The following MAMLD1 variants were observed in gnomAD, a reference collection of about 807,000 sequenced individuals.
MAMLD1 encodes the protein mastermind like domain containing 1.
MAMLD1 carries 14 observed loss-of-function variants against 45.0 expected under a neutral mutation model. That is an observed-to-expected ratio of 0.31 (90% CI 0.21 to 0.49). The LOEUF (loss-of-function observed/expected upper bound fraction) is 0.49, where lower values mean the gene tolerates loss of function less well. Among genes scored for constraint, MAMLD1 ranks in the 20% least tolerant of loss-of-function variants. The pLI is 0.99. For missense variants in MAMLD1, 543 were observed against 603.6 expected (o/e 0.90, Z 1.05); for synonymous variants, 254 against 247.8 (o/e 1.02, Z -0.24).
At chrX:150,367,751 T>G (rs1176875548) in intron 1 of MAMLD1, among the ~76,000 whole-genome samples, 5 of 100,554 alleles carry the variant, frequency 5.0e-5, no homozygotes, top group Non-Finnish European at 1.0e-4. Context: ...GATGTTCCCC[T>G]TCCTGTGTCC....
In MAMLD1 at chrX:150,503,321, G is replaced by C; in HGVS notation, c.2088G>C (p.Gln696His). The C allele has an allele frequency of 1.6e-6, 2 of 1,212,229 alleles. No individual in the cohort carries two copies. The highest frequency in any genetic ancestry group is 2.2e-6 in the Non-Finnish European group (2 of 895,489). Residue 696 changes from glutamine to histidine, a missense_variant, in exon 6 of 8, where the codon CAG becomes CAC. Coordinates refer to ENST00000370401, the MANE Select transcript of MAMLD1 (RefSeq NM_005491.5). The stretch of plus-strand genomic sequence containing the variant: ...AGCTTGGGGAAGCCAGGCACCCCCA[G>C]GTCAGCCTCGGGCGACAGCCCCCGT... ...ACKLGEARHP[Q>H]VSLGRQPPSC...
At chrX:150,443,656 T>C (rs1194477502) in intron 1 of MAMLD1, among the ~76,000 whole-genome samples, 1 of 103,971 alleles carries the variant, frequency 9.6e-6, no homozygotes, top group East Asian at 3.1e-4. Context: ...CCTCTTGATT[T>C]GATTCACTGA....
At position 150,414,311 on chromosome X, in the gene MAMLD1, C is replaced by A. The variant is rs1453965164; in HGVS notation, c.-63-31143C>A. On this transcript the variant is annotated intron_variant, in intron 1 of 7. Coordinates refer to ENST00000370401, the MANE Select transcript of MAMLD1 (RefSeq NM_005491.5). ...TTTTTTGTTGGAAGAGCTCACCAGG[C>A]AGGTGGATCACAGAAAAGCAGGCAA... is the stretch of plus-strand genomic sequence containing the variant. Among the ~76,000 whole-genome samples, 17 of 111,814 alleles carry A rather than the reference C, an allele frequency of 1.5e-4. No homozygotes were observed. The Admixed American group carries it at 1.5e-3, about 10-fold the overall frequency.
At chrX:150,497,900 C>G (rs1422110757) in intron 5 of MAMLD1, among the ~76,000 whole-genome samples, 1 of 111,210 alleles carries the variant, frequency 9.0e-6, no homozygotes, top group African/African-American at 3.3e-5. Flanking sequence ...TGGCACTTAA[C>G]TAATGGGTGA....
At chrX:150,386,411 A>G (rs944546466) in intron 1 of MAMLD1, among the ~76,000 whole-genome samples, 5 of 111,131 alleles carry the variant, frequency 4.5e-5, no homozygotes, top group African/African-American at 1.6e-4. Context: ...AGGCTGAATT[A>G]GAATTGTGTT....
intron 5 of MAMLD1, among the ~76,000 whole-genome samples, chrX:150,498,978 C>A (rs1557408424): frequency 4.5e-5 from 5 of 112,160 alleles, no homozygotes; most frequent in Non-Finnish European, 9.4e-5. Flanking sequence ...GGGCAGGAGG[C>A]ATTCATCAAC....
chrX:150,419,700 C>G, intron 1 of MAMLD1, among the ~76,000 whole-genome samples: 1 of 78,172 alleles, frequency 1.3e-5, no homozygotes, highest in Non-Finnish European at 2.5e-5. Context: ...ACTTATGAAG[C>G]TTAGTTTGGC....
intron 5 of MAMLD1, among the ~76,000 whole-genome samples, chrX:150,490,917 G>A (rs1483575499): frequency 8.9e-6 from 1 of 111,768 alleles, no homozygotes; most frequent in Non-Finnish European, 1.9e-5. Context: ...TATATTAACA[G>A]AGTAAAGGAC....
chrX:150,431,523 A>G (rs1410669983), intron 1 of MAMLD1, among the ~76,000 whole-genome samples: 1 of 110,479 alleles, frequency 9.1e-6, no homozygotes, highest in Non-Finnish European at 1.9e-5. Flanking sequence ...CCACGTAATA[A>G]GCATAGTACC....
intron 3 of MAMLD1, among the ~76,000 whole-genome samples, chrX:150,465,779 G>A (rs146470607): frequency 0.021 from 2,313 of 112,569 alleles, 66 homozygotes; most frequent in African/African-American, 0.07. Flanking sequence ...GAAAGAAGTA[G>A]GAGCTGTGGG....
intron 5 of MAMLD1, among the ~76,000 whole-genome samples, chrX:150,481,578 G>A (rs782060270): frequency 1.6e-3 from 179 of 111,585 alleles, no homozygotes; most frequent in Admixed American, 3.5e-3. Context: ...ACCTGTAATC[G>A]CAGCACTTTG....
chrX:150,382,908 AT>A (rs1255672915), intron 1 of MAMLD1, among the ~76,000 whole-genome samples: 1 of 23,042 alleles, frequency 4.3e-5, no homozygotes, highest in Non-Finnish European at 6.7e-5. Context: ...TTTATTTTTT[AT>A]TTTTTTTTTT....
rs781882049 is a variant in MAMLD1 at position 150,503,477 on chromosome X, G to A, written c.2244G>A (p.Arg748=). Residue 748 remains arginine (R), a synonymous_variant, in exon 6 of 8, where the codon AGG becomes AGA. Transcript: ENST00000370401. ...PWGSWDPKAW[R]QVPAPLLPSC... is the part of the protein sequence containing the mutation. ...GCAGCTGGGATCCGAAGGCCTGGAG[G>A]CAGGTGCCCGCTCCACTACTGCCTA... 8.4e-7 allele frequency: 1 copy of A among 1,195,698 alleles called. No individual in the cohort carries two copies. The highest frequency in any genetic ancestry group is 1.8e-5 in the South Asian group (1 of 56,194).
chrX:150,446,773 C>T (rs1557404808), intron 2 of MAMLD1, among the ~76,000 whole-genome samples: 1 of 112,784 alleles, frequency 8.9e-6, no homozygotes, highest in African/African-American at 3.2e-5. Context: ...TCTCTAACCT[C>T]CATCCTAATT....
At chrX:150,373,665 G>A (rs141272258) in intron 1 of MAMLD1, among the ~76,000 whole-genome samples, 127 of 111,564 alleles carry the variant, frequency 1.1e-3, no homozygotes, top group African/African-American at 4.1e-3. Flanking sequence ...TTTAGGTTCA[G>A]TACCCCTACA....
intron 1 of MAMLD1, among the ~76,000 whole-genome samples, chrX:150,439,405 T>A: frequency 8.9e-6 from 1 of 112,045 alleles, no homozygotes; most frequent in African/African-American, 3.2e-5. Context: ...ATTGCGAAAT[T>A]CAAGGTCATG....
intron 1 of MAMLD1, among the ~76,000 whole-genome samples, chrX:150,422,408 T>C (rs2034549004): frequency 9.0e-6 from 1 of 111,520 alleles, no homozygotes; most frequent in South Asian, 3.8e-4. Context: ...AAGAAGGGGA[T>C]TGGACCTTTT....
chrX:150,379,739 A>G (rs1275467206), intron 1 of MAMLD1, among the ~76,000 whole-genome samples: 1 of 111,880 alleles, frequency 8.9e-6, no homozygotes, highest in Non-Finnish European at 1.9e-5. Context: ...AAATGAACAG[A>G]TATCTGTGTA....
At chrX:150,403,972 G>GAAAGAAAGAA (rs1557402582) in intron 1 of MAMLD1, among the ~76,000 whole-genome samples, 1,109 of 89,544 alleles carry the variant, frequency 0.012, 10 homozygotes, top group Non-Finnish European at 0.019. Flanking sequence ...AAGAAAGAAA[G>GAAAGAAAGAA]AAAGAAAGAA....
Sources: allele counts gnomAD v4.1 joint callset (sites outside exome capture counted in the v4.1 genomes callset), GRCh38; gene constraint gnomAD v4.1.1; transcripts MANE v1.5; gene names NCBI Gene and HGNC (gene_info 2026-07-23, HGNC 2026-07-21).